Variants in CALCRL observed in about 807,000 individuals in gnomAD.
CALCRL encodes calcitonin receptor like receptor, also known as calcitonin gene-related peptide type 1 receptor.
A neutral mutation model predicts 60.4 loss-of-function variants in CALCRL; 27 were observed. The ratio of observed to expected loss-of-function variants is 0.45; its 90% CI spans 0.33 to 0.62. CALCRL has a LOEUF of 0.62. CALCRL is among the 20% of genes least tolerant of loss of function. The pLI is 0.03. For synonymous variants in CALCRL, 190 were observed against 182.6 expected, an observed-to-expected ratio of 1.04 and a Z score of -0.33; for missense variants, 424 against 540.7, an observed-to-expected ratio of 0.78 and a Z score of 2.14.
At chr2:187,355,519 A>G (rs1686732459) in intron 12 of CALCRL, among the ~76,000 whole-genome samples, 1 of 152,258 alleles carries the variant, frequency 6.6e-6, no homozygotes, top group South Asian at 2.1e-4. Context: ...CAACGCAACC[A>G]TATACTAAAC....
chr2:187,359,151 T>C lies in CALCRL; in HGVS notation c.843-22A>G, dbSNP rs761768450. 4 of 1,607,128 alleles carry C rather than the reference T, an allele frequency of 2.5e-6. No individual in the cohort carries two copies. In the East Asian group the frequency reaches 6.7e-5, roughly 27 times the overall value. On this transcript the variant is annotated intron_variant, in intron 11 of 14. Coordinates refer to ENST00000392370, the MANE Select transcript of CALCRL (RefSeq NM_005795.6). ...GCAACTAGAGAAAACATAATAACATTATGTTGAAAATTTTTATTTTACATT... is the reference window on the plus strand; with the variant it reads ...GCAACTAGAGAAAACATAATAACATCATGTTGAAAATTTTTATTTTACATT...
rs537332748 is a variant in CALCRL, at chr2:187,395,666, T to C, written c.-292-7910A>G. ...GATTTCTGCCCTCAATAAAAGTATT[T>C]ATCAAGTTGAAGAACAGTATTCTAC... On this transcript the variant is annotated intron_variant, in intron 1 of 14. Transcript: ENST00000392370. 1.1e-4 allele frequency among the ~76,000 whole-genome samples: 16 copies of C among 152,188 alleles called. No individual in the cohort carries two copies. In the South Asian group the frequency reaches 3.1e-3, roughly 30 times the overall value.
chr2:187,446,845 T>C (rs1003374033), intron 1 of CALCRL, among the ~76,000 whole-genome samples: 1 of 151,970 alleles, frequency 6.6e-6, no homozygotes, highest in Non-Finnish European at 1.5e-5. Context: ...TGTAAATTAC[T>C]GAGGAGTTAC....
intron 1 of CALCRL, among the ~76,000 whole-genome samples, chr2:187,422,281 GGTTT>G (rs1231093245): frequency 6.6e-6 from 1 of 152,130 alleles, no homozygotes; most frequent in African/African-American, 2.4e-5. Flanking sequence ...AGTGATTTAT[GGTTT>G]GTTTTTGCTT....
chr2:187,354,508 CTTAT>C (rs1686681260), intron 12 of CALCRL, among the ~76,000 whole-genome samples: 1 of 151,890 alleles, frequency 6.6e-6, no homozygotes, highest in African/African-American at 2.4e-5. Context: ...ATTAAAATAT[CTTAT>C]TTATAAAAAT....
At chr2:187,359,179 T>A in intron 11 of CALCRL, 33 bp downstream of exon 11, 1 of 1,597,494 alleles carries the variant, frequency 6.3e-7, no homozygotes, top group Non-Finnish European at 8.6e-7. Context: ...TTTACATTAT[T>A]CCAGTAGAAA....
chr2:187,404,424 G>GT (rs1184590766), intron 1 of CALCRL, among the ~76,000 whole-genome samples: 1 of 151,446 alleles, frequency 6.6e-6, no homozygotes, highest in African/African-American at 2.4e-5. Context: ...AGAAAATAAA[G>GT]TTTTTTATAA....
chr2:187,385,510 A>G (rs766156270), intron 4 of CALCRL, 35 bp downstream of exon 4: 3 of 1,044,670 alleles, frequency 2.9e-6, no homozygotes, highest in South Asian at 1.4e-5. Context: ...ACTGGAAGCA[A>G]TAACAGACAT....
In CALCRL at chr2:187,343,696, C is replaced by A. The variant is rs1686172157; in HGVS notation, c.*2488G>T. On this transcript the variant is annotated 3_prime_UTR_variant, in exon 15 of 15. Transcript: ENST00000392370. ...CTACATTTTAAAAGCTAGAAATTTC[C>A]CCAAATTTATTTTTTTGACAGCAAA... 6.6e-6 allele frequency: 1 copy of A among 151,252 alleles called. No individual in the cohort carries two copies. Among genetic ancestry groups the A allele is most frequent in the Non-Finnish European group, 1.5e-5 (1 of 67,508 alleles). The allele number at this position is 151,252 out of a possible 1,614,324, so 9.4% of individuals were successfully genotyped here. A position where few individuals can be genotyped will look rare whatever the true frequency, so the allele number is the denominator to read the frequency against.
intron 1 of CALCRL, among the ~76,000 whole-genome samples, chr2:187,421,069 AC>A (rs1246351328): frequency 6.6e-6 from 1 of 152,170 alleles, no homozygotes; most frequent in East Asian, 1.9e-4. Context: ...AAGACCTCCC[AC>A]GTGGAAGTAC....
chr2:187,393,899 G>A (rs1186330101), intron 1 of CALCRL, among the ~76,000 whole-genome samples: 1 of 152,018 alleles, frequency 6.6e-6, no homozygotes, highest in Non-Finnish European at 1.5e-5. Flanking sequence ...GGAATAGATA[G>A]AAGATTCATG....
At chr2:187,408,294 TTG>T (rs1173620589) in intron 1 of CALCRL, among the ~76,000 whole-genome samples, 1 of 152,076 alleles carries the variant, frequency 6.6e-6, no homozygotes, top group Non-Finnish European at 1.5e-5. Flanking sequence ...TGAAACATTT[TTG>T]GATTTTGTTT....
At chr2:187,415,297 G>A (rs1689551888) in intron 1 of CALCRL, among the ~76,000 whole-genome samples, 1 of 152,106 alleles carries the variant, frequency 6.6e-6, no homozygotes, top group Admixed American at 6.5e-5. Context: ...CATGAAAACG[G>A]GTTTTGAAAG....
At chr2:187,390,790 G>A (rs987726610) in intron 1 of CALCRL, among the ~76,000 whole-genome samples, 15 of 152,084 alleles carry the variant, frequency 9.9e-5, no homozygotes, top group Admixed American at 8.5e-4. Flanking sequence ...TAATCAAGGG[G>A]GCAGGTGTAT....
chr2:187,370,431 A>T (rs1030915145), intron 8 of CALCRL, among the ~76,000 whole-genome samples: 2 of 152,176 alleles, frequency 1.3e-5, no homozygotes, highest in African/African-American at 4.8e-5. Flanking sequence ...AATTTTCAAA[A>T]TTTATTGTCA....
chr2:187,398,440 A>G (rs916504532), intron 1 of CALCRL, among the ~76,000 whole-genome samples: 2 of 151,650 alleles, frequency 1.3e-5, no homozygotes, highest in African/African-American at 4.8e-5. Context: ...TCAAAATAAA[A>G]TTTATATGGC....
At position 187,343,842 on chromosome 2, in the gene CALCRL, T is replaced by C. The variant is rs1686176720; in HGVS notation, c.*2342A>G. 6.6e-6 allele frequency: 1 copy of C among 151,560 alleles called. No individual in the cohort carries two copies. The highest frequency in any genetic ancestry group is 1.5e-5 in the Non-Finnish European group (1 of 67,600). 9.4% of individuals were successfully genotyped at this position (151,560 alleles called of 1,614,324 possible). On this transcript the variant is annotated 3_prime_UTR_variant, in exon 15 of 15. Coordinates refer to ENST00000392370, the MANE Select transcript of CALCRL (RefSeq NM_005795.6). ...TAAAACTATTCTAAAAATATATGGGTACAAAACTAACAGTGATTAATCATG... is the reference window on the plus strand; with the variant it reads ...TAAAACTATTCTAAAAATATATGGGCACAAAACTAACAGTGATTAATCATG...
In CALCRL at chr2:187,370,613, T is replaced by C. The variant is rs186040550; in HGVS notation, c.501-7111A>G. Among the ~76,000 whole-genome samples the C allele has an allele frequency of 2.4e-4, 37 of 152,306 alleles. No homozygotes were observed. The East Asian group carries it at 6.9e-3, about 29-fold the overall frequency. On this transcript the variant is annotated intron_variant, in intron 8 of 14. Transcript: ENST00000392370. ...TTATAGCTTTATATTTTTTATATCTTAAGTCCAAATTATCTAATTCAGTTA... is the reference window on the plus strand; with the variant it reads ...TTATAGCTTTATATTTTTTATATCTCAAGTCCAAATTATCTAATTCAGTTA...
At chr2:187,398,279 G>C (rs3771079) in intron 1 of CALCRL, among the ~76,000 whole-genome samples, 1 of 151,498 alleles carries the variant, frequency 6.6e-6, no homozygotes, top group East Asian at 2.0e-4. Context: ...ACAAAGTCAG[G>C]AGTCAAATGC....
Sources: gnomAD v4.1 joint callset for allele counts (sites outside exome capture counted in the v4.1 genomes callset) on GRCh38, gnomAD v4.1.1 for gene constraint, MANE v1.5 for transcripts, NCBI Gene and HGNC (gene_info 2026-07-23, HGNC 2026-07-21) for gene names.